Variants in FREM1 observed in about 807,000 individuals in gnomAD.
The protein encoded by FREM1 is FRAS1-related extracellular matrix protein 1.
A neutral mutation model predicts 210.1 loss-of-function variants in FREM1; 220 were observed. The ratio of observed to expected loss-of-function variants is 1.05; its 90% confidence interval spans 0.94 to 1.17. FREM1 has a LOEUF of 1.17. FREM1 is among the 50% of genes most tolerant of loss of function. FREM1 has a pLI of 0.00. For missense variants in FREM1, 3,454 were observed against 2,675.5 expected, an observed-to-expected ratio of 1.29 and a Z score of -6.42; for synonymous variants, 1,189 against 980.2, an observed-to-expected ratio of 1.21 and a Z score of -3.98.
Position 14,881,854 on chromosome 9 carries a change from C to T in FREM1, c.-267-12610G>A, listed in dbSNP as rs144154516. On this transcript the variant is annotated intron_variant, in intron 1 of 36. Coordinates refer to ENST00000380880, the MANE Select transcript of FREM1 (RefSeq NM_001379081.2). ...CAGTCACATGGTGTCTCTGAGAAACCTCCTTTAAGAGGTAGTTACGGTGTG... is the reference window on the plus strand; with the variant it reads ...CAGTCACATGGTGTCTCTGAGAAACTTCCTTTAAGAGGTAGTTACGGTGTG... 7.8e-3 allele frequency among the ~76,000 whole-genome samples: 1,189 copies of T among 152,298 alleles called. 22 individuals are homozygous for T. The highest frequency in any genetic ancestry group is 0.027 in the African/African-American group (1,118 of 41,560).
intron 15 of FREM1, 60 bp downstream of exon 15, chr9:14,816,718 G>T (rs144164946): frequency 2.5e-6 from 2 of 798,436 alleles, no homozygotes; most frequent in East Asian, 3.2e-5. Flanking sequence ...CTGTAGTATT[G>T]TGTTATGGCA....
At chr9:14,854,587 TA>T (rs1254149073) in intron 5 of FREM1, among the ~76,000 whole-genome samples, 1 of 151,920 alleles carries the variant, frequency 6.6e-6, no homozygotes, top group African/African-American at 2.4e-5. Context: ...CAGTGGGGAA[TA>T]GAGCAAAAAT....
chr9:14,751,187 A>G (rs888900451), intron 29 of FREM1, among the ~76,000 whole-genome samples: 1 of 152,242 alleles, frequency 6.6e-6, no homozygotes, highest in African/African-American at 2.4e-5. Context: ...TGGAGAAAGA[A>G]GGCTCAACTT....
chr9:14,784,470 G>A lies in FREM1; in HGVS notation c.4342C>T (p.Pro1448Ser), dbSNP rs1396648500. Residue 1448 changes from proline (P) to serine (S), a missense_variant, in exon 24 of 37, where the codon CCT (proline) becomes TCT (serine). By Grantham distance (74) the Pro-to-Ser change is moderately conservative. Transcript: ENST00000380880. ...CTGAAGTTTGTAATGGGAACTCCAG[G>A]ATAGTGAACATATTCGATCTGGCCA... ...RYGQIEYVHY[P>S]GVPITNFSQM... 6.2e-6 allele frequency: 10 copies of A among 1,613,918 alleles called. No individual in the cohort carries two copies. Among genetic ancestry groups the A allele is most frequent in the Non-Finnish European group, 8.5e-6 (10 of 1,179,848 alleles).
At chr9:14,781,877 G>C (rs1456836113) in intron 24 of FREM1, among the ~76,000 whole-genome samples, 2 of 152,130 alleles carry the variant, frequency 1.3e-5, no homozygotes, top group Non-Finnish European at 2.9e-5. Context: ...CTAATTTTTT[G>C]TATTTTTAGT....
In FREM1 at chr9:14,737,450, T is replaced by A; in HGVS notation, c.6486A>T (p.Thr2162=). The stretch of plus-strand genomic sequence containing the variant: ...GAGGTTTGGCTCTCCTACAGTCTTT[T>A]GTTTGCCATTTCCCTTGTCTTTGAA... The part of the protein sequence containing the change: ...VLVQRQGKWQ[T]KDCRRAKPHN... Residue 2162 remains threonine, a synonymous_variant, in exon 37 of 37, where the codon ACA becomes ACT. Coordinates refer to ENST00000380880, the MANE Select transcript of FREM1 (RefSeq NM_001379081.2). The A allele has an allele frequency of 1.9e-6, 3 of 1,613,926 alleles. No individual in the cohort carries two copies. The highest frequency in any genetic ancestry group is 2.5e-6 in the Non-Finnish European group (3 of 1,179,866).
intron 1 of FREM1, among the ~76,000 whole-genome samples, chr9:14,882,853 C>T (rs1835031213): frequency 2.3e-5 from 3 of 128,276 alleles, no homozygotes; most frequent in African/African-American, 8.8e-5. Context: ...GCAGAGGTTG[C>T]AATGAGCTGA....
intron 1 of FREM1, among the ~76,000 whole-genome samples, chr9:14,899,978 T>G (rs1214150485): frequency 6.6e-6 from 1 of 152,222 alleles, no homozygotes; most frequent in East Asian, 1.9e-4. Context: ...GACCATAACG[T>G]GAACGGTGTT....
intron 2 of FREM1, among the ~76,000 whole-genome samples, chr9:14,867,323 T>C (rs1831709558): frequency 6.6e-6 from 1 of 152,116 alleles, no homozygotes; most frequent in East Asian, 1.9e-4. Context: ...CAAAACACAT[T>C]CAGAATGCAA....
chr9:14,830,709 T>C (rs1283526400), intron 10 of FREM1, among the ~76,000 whole-genome samples: 1 of 152,150 alleles, frequency 6.6e-6, no homozygotes, highest in African/African-American at 2.4e-5. Context: ...GCCTATTAAA[T>C]GCTCCACTCC....
rs750939795 is a variant in FREM1, at chr9:14,750,264, T to C, written c.5420A>G (p.Lys1807Arg). ...ATAGGTAATTGCTATATTCCACATC[T>C]TAGTTGACATTCCTACAAGAAGTAA... ...LIQFDPGMST[K>R]MWNIAITYDG... The change falls in exon 30 of 37, where the codon AAG becomes AGG. Residue 1807 changes from lysine (K) to arginine (R), a missense_variant. Coordinates refer to ENST00000380880, the MANE Select transcript of FREM1 (RefSeq NM_001379081.2). The C allele has an allele frequency of 1.9e-6, 3 of 1,609,012 alleles. No homozygotes were observed. Among genetic ancestry groups the C allele is most frequent in the Non-Finnish European group, 1.7e-6 (2 of 1,176,766 alleles).
chr9:14,839,382 T>C (rs1825219138), intron 10 of FREM1, among the ~76,000 whole-genome samples: 1 of 152,332 alleles, frequency 6.6e-6, no homozygotes, highest in Middle Eastern at 3.4e-3. Flanking sequence ...GATACATACA[T>C]GTAAAGATGT....
At chr9:14,837,840 G>T (rs1460523175) in intron 10 of FREM1, among the ~76,000 whole-genome samples, 1 of 152,204 alleles carries the variant, frequency 6.6e-6, no homozygotes, top group Non-Finnish European at 1.5e-5. Flanking sequence ...GGATAAACAT[G>T]CTGTAAACTT....
At chr9:14,778,757 A>AGGGACG in intron 24 of FREM1, among the ~76,000 whole-genome samples, 1 of 136,980 alleles carries the variant, frequency 7.3e-6, no homozygotes, top group East Asian at 2.3e-4. Flanking sequence ...AGGAAAGGAA[A>AGGGACG]GGAAGTCAGG....
Position 14,789,029 on chromosome 9 carries a change from G to A in FREM1, c.4067C>T (p.Thr1356Ile). 1 of 1,610,432 alleles carries A rather than the reference G, an allele frequency of 6.2e-7. No individual in the cohort carries two copies. Among genetic ancestry groups the A allele is most frequent in the Middle Eastern group, 1.7e-4 (1 of 6,056 alleles). ...VDLNLLRYTH[T>I]GAMDSQNQDS... is the part of the protein sequence containing the mutation. ...TTGATTCTGGGAATCCATTGCCCCGGTGTGTGTGTATCTCAGCAAGTTCAG... is the reference window on the plus strand; with the variant it reads ...TTGATTCTGGGAATCCATTGCCCCGATGTGTGTGTATCTCAGCAAGTTCAG... Residue 1356 changes from threonine (T) to isoleucine (I), a missense_variant, in exon 23 of 37, where the codon ACC (threonine) becomes ATC (isoleucine). By Grantham distance (89) the Thr-to-Ile change is moderately conservative. Transcript: ENST00000380880.
chr9:14,811,154 C>A (rs1415163179), intron 16 of FREM1, among the ~76,000 whole-genome samples: 2 of 152,022 alleles, frequency 1.3e-5, no homozygotes, highest in African/African-American at 4.8e-5. Flanking sequence ...ACCAAAATAC[C>A]CTTTGAATCG....
At chr9:14,828,681 T>C in intron 10 of FREM1, among the ~76,000 whole-genome samples, 1 of 151,842 alleles carries the variant, frequency 6.6e-6, no homozygotes, top group Admixed American at 6.5e-5. Context: ...GGCTTATTTA[T>C]GTATAAATTT....
chr9:14,838,601 C>T (rs1825061941), intron 10 of FREM1, among the ~76,000 whole-genome samples: 1 of 152,148 alleles, frequency 6.6e-6, no homozygotes, highest in Non-Finnish European at 1.5e-5. Context: ...ATCTCACTCC[C>T]TCCCTAGTCC....
chr9:14,772,838 T>G (rs1364323552), intron 25 of FREM1, among the ~76,000 whole-genome samples: 2 of 152,210 alleles, frequency 1.3e-5, no homozygotes, highest in African/African-American at 4.8e-5. Flanking sequence ...GAGTTGATAC[T>G]AAATGAATAG....
Sources: allele counts gnomAD v4.1 joint callset (sites outside exome capture counted in the v4.1 genomes callset), GRCh38; gene constraint gnomAD v4.1.1; transcripts MANE v1.5; gene names NCBI Gene and HGNC (gene_info 2026-07-23, HGNC 2026-07-21).